Variants in SMPD3 observed in about 807,000 individuals in gnomAD.
SMPD3 encodes sphingomyelin phosphodiesterase 3, also known as nSMase-2.
Under a neutral mutation model 55.7 loss-of-function variants are expected in SMPD3, and 21 were observed. That is an observed-to-expected ratio of 0.38 (90% CI 0.27 to 0.54). SMPD3 has a LOEUF of 0.54. Ranked by LOEUF, SMPD3 falls within the 20% of genes least tolerant of loss-of-function variation. The pLI is 0.80. For synonymous variants in SMPD3, 457 were observed against 404.3 expected, an observed-to-expected ratio of 1.13 and a Z score of -1.56; for missense variants, 842 against 899.6, an observed-to-expected ratio of 0.94 and a Z score of 0.82.
chr16:68,420,271 T>C (rs1407041001), intron 1 of SMPD3, among the ~76,000 whole-genome samples: 2 of 152,198 alleles, frequency 1.3e-5, no homozygotes, highest in African/African-American at 2.4e-5. Flanking sequence ...ATCATTACTA[T>C]AGGCACCTTT....
chr16:68,411,807 G>C (rs1003711204), intron 1 of SMPD3, among the ~76,000 whole-genome samples: 11 of 152,162 alleles, frequency 7.2e-5, no homozygotes, highest in Middle Eastern at 3.2e-3. Context: ...GACACCTTGG[G>C]GATCCTAGGG....
At chr16:68,420,459 G>A (rs1346167574) in intron 1 of SMPD3, among the ~76,000 whole-genome samples, 1 of 152,224 alleles carries the variant, frequency 6.6e-6, no homozygotes, top group Non-Finnish European at 1.5e-5. Context: ...TAGGCTAATA[G>A]CCTGGTTACC....
At chr16:68,361,863 G>T in intron 7 of SMPD3, 104 bp from the exon 8 acceptor site, 4 of 1,277,510 alleles carry the variant, frequency 3.1e-6, no homozygotes, top group Non-Finnish European at 4.2e-6. Context: ...GGGAGCGGGT[G>T]GGTGGGACCA....
intron 7 of SMPD3, among the ~76,000 whole-genome samples, chr16:68,361,968 C>T (rs956678048): frequency 1.3e-5 from 2 of 152,194 alleles, no homozygotes; most frequent in Non-Finnish European, 2.9e-5. Context: ...TGAATCTGGG[C>T]TCCGGAGCCC....
At chr16:68,381,513 T>G (rs556892766) in intron 2 of SMPD3, among the ~76,000 whole-genome samples, 2 of 152,316 alleles carry the variant, frequency 1.3e-5, no homozygotes, top group East Asian at 3.9e-4. Context: ...CTGCACTTCC[T>G]GGTCCTCTGG....
Position 68,372,241 on chromosome 16 carries a change from A to G in SMPD3, c.-60T>C. On this transcript the variant is annotated 5_prime_UTR_variant, in exon 3 of 9. Coordinates refer to ENST00000219334, the MANE Select transcript of SMPD3 (RefSeq NM_018667.4). Reference sequence around the variant, plus strand: ...CATGGTGTCCGTGGCAGCTGCGGGCACTTTCCTGGGCGAGGGTGGGCGAGT... The same window carrying G: ...CATGGTGTCCGTGGCAGCTGCGGGCGCTTTCCTGGGCGAGGGTGGGCGAGT... 1 of 1,578,862 alleles carries G rather than the reference A, an allele frequency of 6.3e-7. No individual in the cohort carries two copies.
chr16:68,421,039 C>T (rs1323759288), intron 1 of SMPD3, among the ~76,000 whole-genome samples: 2 of 152,202 alleles, frequency 1.3e-5, no homozygotes, highest in East Asian at 3.9e-4. Flanking sequence ...CAATAACCAG[C>T]ACCCAGAAGC....
At chr16:68,392,565 TAAG>T (rs1413609069) in intron 1 of SMPD3, among the ~76,000 whole-genome samples, 8 of 152,058 alleles carry the variant, frequency 5.3e-5, no homozygotes, top group African/African-American at 1.9e-4. Context: ...AGCGTTCTTA[TAAG>T]AAGAGATGCC....
intron 1 of SMPD3, among the ~76,000 whole-genome samples, chr16:68,426,694 A>G (rs772262404): frequency 6.6e-6 from 1 of 152,198 alleles, no homozygotes; most frequent in Admixed American, 6.5e-5. Context: ...TACATTCGTC[A>G]TTGCTGTTTC....
intron 7 of SMPD3, among the ~76,000 whole-genome samples, chr16:68,363,037 AC>A (rs1022248078): frequency 3.3e-5 from 5 of 152,166 alleles, no homozygotes; most frequent in African/African-American, 1.2e-4. Flanking sequence ...CTGGGATGGA[AC>A]TGTCTCTACT....
intron 2 of SMPD3, among the ~76,000 whole-genome samples, chr16:68,385,521 G>A (rs767216707): frequency 6.6e-6 from 1 of 152,004 alleles, no homozygotes; most frequent in Non-Finnish European, 1.5e-5. Context: ...CCCTCCCTGC[G>A]AGCTGCTGGT....
intron 1 of SMPD3, among the ~76,000 whole-genome samples, chr16:68,436,393 C>T (rs75699676): frequency 3.3e-5 from 5 of 152,146 alleles, no homozygotes; most frequent in Non-Finnish European, 7.3e-5. Context: ...ATTCACTCCT[C>T]CCCCTGGTAG....
At chr16:68,376,515 C>T (rs748071070) in intron 2 of SMPD3, among the ~76,000 whole-genome samples, 1 of 152,262 alleles carries the variant, frequency 6.6e-6, no homozygotes, top group African/African-American at 2.4e-5. Flanking sequence ...GCAGCTCAAC[C>T]TCAGACTGCA....
intron 1 of SMPD3, among the ~76,000 whole-genome samples, chr16:68,432,466 A>G (rs894307333): frequency 6.6e-6 from 1 of 152,258 alleles, no homozygotes; most frequent in Non-Finnish European, 1.5e-5. Flanking sequence ...TATAAAAAGT[A>G]CTTAAGTTTA....
At chr16:68,439,545 C>T (rs2152034162) in intron 1 of SMPD3, among the ~76,000 whole-genome samples, 1 of 152,332 alleles carries the variant, frequency 6.6e-6, no homozygotes. Context: ...AGCCTCCTTC[C>T]ACCTCAATTC....
chr16:68,439,791 G>A (rs577238979), intron 1 of SMPD3, among the ~76,000 whole-genome samples: 2 of 152,350 alleles, frequency 1.3e-5, no homozygotes, highest in African/African-American at 2.4e-5. Flanking sequence ...TTCCCTCAGA[G>A]CTATGCAGTG....
At chr16:68,442,360 C>T (rs1345218414) in intron 1 of SMPD3, among the ~76,000 whole-genome samples, 2 of 152,166 alleles carry the variant, frequency 1.3e-5, no homozygotes, top group East Asian at 1.9e-4. Context: ...GCTTACAGCA[C>T]ACATTATTTC....
chr16:68,447,578 C>T lies in SMPD3; in HGVS notation c.-269+775G>A, dbSNP rs1282841899. Among the ~76,000 whole-genome samples, 5 of 151,490 alleles carry T rather than the reference C, an allele frequency of 3.3e-5. No homozygotes were observed. The highest frequency in any genetic ancestry group is 2.0e-4 in the East Asian group (1 of 5,052). On this transcript the variant is annotated intron_variant, in intron 1 of 8. Coordinates refer to ENST00000219334, the MANE Select transcript of SMPD3 (RefSeq NM_018667.4). This position sits in a 1 kb window ranked among gnomAD's most constrained non-coding sequence, Gnocchi z 5.1. ...ACCTCTCACACCCAGGCCACCCAAC[C>T]CTCGGCGCGGGCCCGAGCGCGGGGG...
intron 1 of SMPD3, among the ~76,000 whole-genome samples, chr16:68,433,980 C>T (rs1239978911): frequency 6.6e-6 from 1 of 151,910 alleles, no homozygotes; most frequent in East Asian, 1.9e-4. Context: ...TCTAAACATA[C>T]CATATGTTAA....
Sources: allele counts gnomAD v4.1 joint callset (sites outside exome capture counted in the v4.1 genomes callset), GRCh38; gene constraint gnomAD v4.1.1; non-coding constraint Gnocchi (gnomAD v3.1); transcripts MANE v1.5; gene names NCBI Gene and HGNC (gene_info 2026-07-23, HGNC 2026-07-21).